ZNF420: variants seen among roughly 807,000 people sequenced by gnomAD.
The protein encoded by ZNF420 is ATM and p53-associated KZNF protein.
In ZNF420, 31 loss-of-function variants were observed where a neutral mutation model predicts 44.7. That is an observed-to-expected ratio of 0.69 (90% CI 0.52 to 0.94). The LOEUF is 0.94. Among genes scored for constraint, ZNF420 ranks in the 40% least tolerant of loss-of-function variants. The pLI is 0.00. For missense variants in ZNF420, 681 were observed against 827.9 expected, an observed-to-expected ratio of 0.82 and a Z score of 2.18; for synonymous variants, 245 against 267.4, an observed-to-expected ratio of 0.92 and a Z score of 0.82.
chr19:37,042,865 A>G (rs1392578572), intron 1 of ZNF420, among the ~76,000 whole-genome samples: 2 of 152,166 alleles, frequency 1.3e-5, no homozygotes, highest in Admixed American at 6.5e-5. Flanking sequence ...AGTGAAAGAC[A>G]TGTGTCTTCC....
Position 37,128,843 on chromosome 19 carries a change from A to G in ZNF420, c.1852A>G (p.Arg618Gly), listed in dbSNP as rs1971509795. The change falls in exon 5 of 5, where the codon AGA becomes GGA. Residue 618 changes from arginine (R) to glycine (G), a missense_variant. By Grantham distance (125) the Arg-to-Gly change is moderately radical. This residue lies in a region of ZNF420 where 280 missense variants were observed against 338.6 expected (regional missense o/e 0.83). Transcript: ENST00000337995. ...IHTGEKPYEC[R>G]ECRKAFTQSS... ...TACTGGTGAGAAGCCCTATGAATGC[A>G]GAGAATGTAGAAAGGCCTTTACTCA... is the stretch of plus-strand genomic sequence containing the variant. 3 of 1,613,992 alleles carry G rather than the reference A, an allele frequency of 1.9e-6. No homozygotes were observed. The highest frequency in any genetic ancestry group is 2.5e-6 in the Non-Finnish European group (3 of 1,179,992).
intron 3 of ZNF420, among the ~76,000 whole-genome samples, chr19:37,090,147 TG>T (rs1360927354): frequency 6.6e-6 from 1 of 152,222 alleles, no homozygotes; most frequent in East Asian, 1.9e-4. Context: ...TTCTTTTAAT[TG>T]GGACATTGCA....
chr19:37,089,666 A>G (rs1018673593), intron 3 of ZNF420, among the ~76,000 whole-genome samples: 3 of 152,200 alleles, frequency 2.0e-5, no homozygotes, highest in African/African-American at 7.2e-5. Flanking sequence ...GAATGTATAA[A>G]TTTGGATTAT....
intron 1 of ZNF420, among the ~76,000 whole-genome samples, chr19:37,017,703 A>G (rs2562584): frequency 0.024 from 3,665 of 152,296 alleles, 157 homozygotes; most frequent in African/African-American, 0.083. Context: ...AAAAACCCAC[A>G]GTGGACAGCA....
chr19:37,032,645 A>T (rs897819649), intron 1 of ZNF420, among the ~76,000 whole-genome samples: 3 of 151,954 alleles, frequency 2.0e-5, no homozygotes. Flanking sequence ...TCTCTACTAA[A>T]AATACAACAA....
At chr19:37,044,359 C>A (rs1278162502) in intron 1 of ZNF420, among the ~76,000 whole-genome samples, 3 of 151,728 alleles carry the variant, frequency 2.0e-5, no homozygotes, top group Non-Finnish European at 2.9e-5. Context: ...TTTGTAAAAA[C>A]AAACAAAACC....
At chr19:37,059,681 T>G (rs907542881) in intron 1 of ZNF420, among the ~76,000 whole-genome samples, 1 of 152,158 alleles carries the variant, frequency 6.6e-6, no homozygotes, top group Non-Finnish European at 1.5e-5. Context: ...TCTGCCTGTG[T>G]GCTCGTGGGC....
chr19:37,010,184 C>T (rs2074557951), intron 1 of ZNF420, among the ~76,000 whole-genome samples: 1 of 152,194 alleles, frequency 6.6e-6, no homozygotes, highest in African/African-American at 2.4e-5. Context: ...GCTTGGGTGT[C>T]CGGGCTCCGA....
chr19:37,109,609 C>T (rs143395832), intron 4 of ZNF420: 6 of 152,320 alleles, frequency 3.9e-5, no homozygotes, highest in African/African-American at 1.2e-4. Flanking sequence ...TTTCTGTCTC[C>T]GTGGAGGTGC....
In ZNF420 at chr19:37,059,392, A is replaced by C. The variant is rs568950696; in HGVS notation, c.-124-20953A>C. The stretch of plus-strand genomic sequence containing the variant: ...ATGCGCATGCGCGAGGCGCGAGCGG[A>C]TTCTCACCGTTGTCTTAGAAACCAG... On this transcript the variant is annotated intron_variant, in intron 1 of 4. Coordinates refer to the ZNF420 transcript ENST00000587029. Among the ~76,000 whole-genome samples, 105 of 152,344 alleles carry C rather than the reference A, an allele frequency of 6.9e-4. 5 individuals carry two copies. In the South Asian group the frequency reaches 0.018, roughly 26 times the overall value.
intron 4 of ZNF420, among the ~76,000 whole-genome samples, chr19:37,116,961 T>C (rs991492039): frequency 7.9e-5 from 12 of 152,068 alleles, no homozygotes; most frequent in Non-Finnish European, 1.5e-4. Flanking sequence ...CCTGGAAGCT[T>C]GAACTGGGTG....
chr19:37,129,291 G>T lies in ZNF420; in HGVS notation c.*233G>T. The T allele has an allele frequency of 2.0e-6, 1 of 505,994 alleles. No homozygotes were observed. The highest frequency in any genetic ancestry group is 3.4e-6 in the Non-Finnish European group (1 of 291,884). 31.3% of individuals were successfully genotyped at this position (505,994 alleles called of 1,614,324 possible). A position where few individuals can be genotyped will look rare whatever the true frequency, so the allele number is the denominator to read the frequency against. ...TATAGTAAATGTAGGAAGCCCTTTA[G>T]CCATATTGAAAACAAATATCTTTTT... On this transcript the variant is annotated 3_prime_UTR_variant, in exon 5 of 5. Transcript: ENST00000337995.
chr19:37,038,768 C>T (rs1967401260), intron 1 of ZNF420, among the ~76,000 whole-genome samples: 1 of 152,162 alleles, frequency 6.6e-6, no homozygotes, highest in African/African-American at 2.4e-5. Context: ...GCCTCACCTA[C>T]ATGGAGAAAC....
chr19:37,012,595 C>T (rs1030588070), intron 1 of ZNF420, among the ~76,000 whole-genome samples: 1 of 152,216 alleles, frequency 6.6e-6, no homozygotes, highest in South Asian at 2.1e-4. Flanking sequence ...GCCGGGACGG[C>T]GTTCGAGTGA....
intron 4 of ZNF420, among the ~76,000 whole-genome samples, chr19:37,101,052 C>T (rs1207599896): frequency 7.1e-6 from 1 of 140,168 alleles, no homozygotes; most frequent in African/African-American, 2.7e-5. Context: ...TTCACAGTTT[C>T]CTGTTGGCCT....
At chr19:37,051,295 G>A (rs1807764709) in intron 1 of ZNF420, among the ~76,000 whole-genome samples, 1 of 152,158 alleles carries the variant, frequency 6.6e-6, no homozygotes, top group African/African-American at 2.4e-5. Flanking sequence ...AGAAGGAATG[G>A]TACCAGCTCC....
chr19:37,010,079 G>A (rs756992086), intron 1 of ZNF420, among the ~76,000 whole-genome samples: 12 of 152,308 alleles, frequency 7.9e-5, no homozygotes, highest in East Asian at 1.9e-4. Flanking sequence ...GCGCATGCCC[G>A]AGGCGCGAGA....
At chr19:37,047,842 G>A (rs115372680) in intron 1 of ZNF420, among the ~76,000 whole-genome samples, 2,579 of 152,222 alleles carry the variant, frequency 0.017, 81 homozygotes, top group African/African-American at 0.059. Flanking sequence ...ATCTGGAAGC[G>A]AATTGGAATT....
chr19:37,101,158 A>G lies in ZNF420; in HGVS notation c.136+10037A>G, dbSNP rs373353754. 3.3e-5 allele frequency among the ~76,000 whole-genome samples: 5 copies of G among 152,098 alleles called. No homozygotes were observed. The South Asian group carries it at 1.0e-3, about 32-fold the overall frequency. On this transcript the variant is annotated intron_variant, in intron 4 of 4. Transcript: ENST00000337995. ...GCTCATATTTTCCTGAATGTTCTTG[A>G]TGTTTATGGACACGTGATGTCTGTG...
Sources: gnomAD v4.1 joint callset for allele counts (sites outside exome capture counted in the v4.1 genomes callset) on GRCh38, gnomAD v4.1.1 for gene constraint, gnomAD v4.1.1 regional missense constraint, MANE v1.5 for transcripts, NCBI Gene and HGNC (gene_info 2026-07-23, HGNC 2026-07-21) for gene names.